The following LMBRD1 variants were observed in gnomAD, a reference collection of about 807,000 sequenced individuals.
The protein encoded by LMBRD1 is LMBR1 domain containing 1, also known as lysosomal cobalamin transport escort protein LMBD1.
In LMBRD1, 64 loss-of-function variants were observed where a neutral mutation model predicts 74.8. The ratio of observed to expected loss-of-function variants is 0.86; its 90% CI spans 0.70 to 1.05. LMBRD1 has a LOEUF of 1.05. Ranked by LOEUF, LMBRD1 falls within the 50% of genes least tolerant of loss-of-function variation. The pLI is 0.00. For synonymous variants in LMBRD1, 204 were observed against 216.3 expected, an observed-to-expected ratio of 0.94 and a Z score of 0.50; for missense variants, 652 against 645.9, an observed-to-expected ratio of 1.01 and a Z score of -0.10.
chr6:69,733,214 T>C (rs1375280747), intron 7 of LMBRD1, among the ~76,000 whole-genome samples: 1 of 152,130 alleles, frequency 6.6e-6, no homozygotes, highest in Non-Finnish European at 1.5e-5. Context: ...ATATTTAGGG[T>C]CAAAGTACTC....
chr6:69,730,109 A>G (rs1159864158), intron 7 of LMBRD1, among the ~76,000 whole-genome samples: 4 of 152,088 alleles, frequency 2.6e-5, no homozygotes, highest in African/African-American at 9.6e-5. Context: ...GGTTGGCCCT[A>G]ATTGTCTCCA....
intron 2 of LMBRD1, among the ~76,000 whole-genome samples, chr6:69,781,751 A>C (rs1765838808): frequency 6.6e-6 from 1 of 152,204 alleles, no homozygotes; most frequent in Non-Finnish European, 1.5e-5. Context: ...AAATCACAGG[A>C]TATAACAAAT....
At chr6:69,745,573 A>G (rs947262289) in intron 5 of LMBRD1, among the ~76,000 whole-genome samples, 8 of 152,160 alleles carry the variant, frequency 5.3e-5, no homozygotes, top group African/African-American at 1.9e-4. Flanking sequence ...TTTCTTAAAC[A>G]TGGCATGTAA....
chr6:69,796,717 G>T, intron 1 of LMBRD1, 96 bp downstream of exon 1: 1 of 1,126,878 alleles, frequency 8.9e-7, no homozygotes, highest in Non-Finnish European at 1.3e-6. Flanking sequence ...GCGGGGCGAA[G>T]AGGGTCTCCG....
chr6:69,730,650 G>A (rs989247516), intron 7 of LMBRD1, among the ~76,000 whole-genome samples: 6 of 152,060 alleles, frequency 3.9e-5, no homozygotes, highest in Non-Finnish European at 1.5e-5. Context: ...TACAATTATT[G>A]AGTTTAATTG....
intron 1 of LMBRD1, among the ~76,000 whole-genome samples, chr6:69,793,620 A>G (rs9360405): frequency 0.34 from 50,926 of 151,990 alleles, 9,656 homozygotes; most frequent in East Asian, 0.54. Context: ...GATTACAGGC[A>G]TGAGATACCA....
At chr6:69,693,036 C>A (rs1765922938) in intron 14 of LMBRD1, among the ~76,000 whole-genome samples, 1 of 151,978 alleles carries the variant, frequency 6.6e-6, no homozygotes, top group African/African-American at 2.4e-5. Flanking sequence ...ATTTGTTTTA[C>A]ATATTGTATT....
intron 2 of LMBRD1, among the ~76,000 whole-genome samples, chr6:69,784,459 T>G (rs1266987425): frequency 1.3e-5 from 2 of 152,200 alleles, no homozygotes; most frequent in African/African-American, 4.8e-5. Context: ...AGGAGCCATT[T>G]TGATCCCCAT....
In LMBRD1 at chr6:69,713,689, T is replaced by A; in HGVS notation, c.871A>T (p.Asn291Tyr). 1.2e-6 allele frequency: 2 copies of A among 1,613,722 alleles called. No individual in the cohort carries two copies. The highest frequency in any genetic ancestry group is 1.7e-6 in the Non-Finnish European group (2 of 1,179,714). ...CCACAAAATTTTGTCCACCAGCTGT[T>A]TTCAATGAATTCTAAATGCCTCTCT... ...KRERHLEFIE[N>Y]SWWTKFCGAL... The change falls in exon 9 of 16, where the codon AAC becomes TAC. Residue 291 changes from asparagine to tyrosine, a missense_variant. Asn to Tyr is a moderately radical substitution (Grantham distance 143, BLOSUM62 -2). This residue lies in a region of LMBRD1 where 598 missense variants were observed against 581.8 expected (regional missense o/e 1.03). Coordinates refer to ENST00000649934, the MANE Select transcript of LMBRD1 (RefSeq NM_018368.4).
intron 6 of LMBRD1, among the ~76,000 whole-genome samples, chr6:69,739,250 A>G (rs1350116491): frequency 6.6e-6 from 1 of 152,212 alleles, no homozygotes; most frequent in Non-Finnish European, 1.5e-5. Context: ...GCCAATCGAA[A>G]TGTTAATATT....
At chr6:69,694,775 G>C (rs1299455395) in intron 14 of LMBRD1, among the ~76,000 whole-genome samples, 2 of 152,068 alleles carry the variant, frequency 1.3e-5, no homozygotes, top group African/African-American at 4.8e-5. Context: ...AATTATACAA[G>C]TTGTGTAGAC....
chr6:69,702,784 T>C (rs905522744), intron 9 of LMBRD1, among the ~76,000 whole-genome samples: 2 of 152,042 alleles, frequency 1.3e-5, no homozygotes, highest in African/African-American at 4.8e-5. Flanking sequence ...CAGTTAAGTG[T>C]GTTGGGCTCC....
intron 14 of LMBRD1, among the ~76,000 whole-genome samples, chr6:69,682,617 T>C (rs1765687403): frequency 6.6e-6 from 1 of 152,028 alleles, no homozygotes; most frequent in Admixed American, 6.6e-5. Flanking sequence ...ATAAGTGAAC[T>C]CTAAATTACT....
At chr6:69,776,614 A>G (rs1019061155) in intron 3 of LMBRD1, among the ~76,000 whole-genome samples, 4 of 152,222 alleles carry the variant, frequency 2.6e-5, no homozygotes, top group Non-Finnish European at 4.4e-5. Context: ...ATAAAAGACA[A>G]TTAAAGCATA....
At chr6:69,713,364 T>C (rs1316330200) in intron 9 of LMBRD1, among the ~76,000 whole-genome samples, 1 of 152,170 alleles carries the variant, frequency 6.6e-6, no homozygotes. Context: ...CAGATCAATT[T>C]ATAGGAAAGT....
intron 14 of LMBRD1, among the ~76,000 whole-genome samples, chr6:69,681,930 C>A (rs1376028461): frequency 1.3e-5 from 2 of 151,640 alleles, no homozygotes; most frequent in Non-Finnish European, 3.0e-5. Context: ...GGAGTACAGA[C>A]TAGAAGAGGA....
At chr6:69,794,441 T>C (rs1440394566) in intron 1 of LMBRD1, among the ~76,000 whole-genome samples, 7 of 152,270 alleles carry the variant, frequency 4.6e-5, no homozygotes, top group African/African-American at 1.7e-4. Flanking sequence ...ATGTGATGGC[T>C]ATCTCCAGGA....
intron 5 of LMBRD1, chr6:69,746,926 C>A (rs976091975): frequency 6.6e-6 from 1 of 152,190 alleles, no homozygotes; most frequent in Admixed American, 6.5e-5. Context: ...GAGTCCCTGA[C>A]GCACTCAGTC....
At chr6:69,748,292 C>T (rs763450940) in intron 5 of LMBRD1, among the ~76,000 whole-genome samples, 1 of 151,952 alleles carries the variant, frequency 6.6e-6, no homozygotes, top group African/African-American at 2.4e-5. Context: ...CAAGGGACCT[C>T]GATGTTAACA....
Sources: allele counts gnomAD v4.1 joint callset (sites outside exome capture counted in the v4.1 genomes callset), GRCh38; gene constraint gnomAD v4.1.1; regional missense constraint gnomAD v4.1.1; transcripts MANE v1.5; gene names NCBI Gene and HGNC (gene_info 2026-07-23, HGNC 2026-07-21).